Variants in SLCO3A1 observed in about 807,000 individuals in gnomAD.
SLCO3A1 encodes the protein PGE1 transporter.
Under a neutral mutation model 63.1 loss-of-function variants are expected in SLCO3A1, and 27 were observed. The ratio of observed to expected loss-of-function variants is 0.43; its 90% CI spans 0.32 to 0.59. The LOEUF is 0.59. SLCO3A1 is among the 20% of genes least tolerant of loss of function. The pLI, the probability that SLCO3A1 is intolerant of heterozygous loss-of-function variation, is 0.09. For synonymous variants in SLCO3A1, 473 were observed against 409.9 expected (o/e 1.15, Z -1.86); for missense variants, 773 against 945.8 (o/e 0.82, Z 2.40).
chr15:92,059,234 C>T (rs1018472646), intron 2 of SLCO3A1, among the ~76,000 whole-genome samples: 4 of 152,204 alleles, frequency 2.6e-5, no homozygotes, highest in African/African-American at 4.8e-5. Flanking sequence ...CCAAAGCCAG[C>T]GTGCTAGAAC....
chr15:92,155,924 A>C (rs556804505), intron 9 of SLCO3A1, among the ~76,000 whole-genome samples: 1 of 152,110 alleles, frequency 6.6e-6, no homozygotes, highest in African/African-American at 2.4e-5. Flanking sequence ...CCCCACATAC[A>C]CTGACCCTGC....
intron 2 of SLCO3A1, among the ~76,000 whole-genome samples, chr15:91,979,379 A>G (rs1238047105): frequency 6.6e-6 from 1 of 152,214 alleles, no homozygotes. Context: ...TTTGACTGCA[A>G]CTCATCACGT....
At chr15:91,996,699 T>C (rs1236586063) in intron 2 of SLCO3A1, among the ~76,000 whole-genome samples, 1 of 152,134 alleles carries the variant, frequency 6.6e-6, no homozygotes, top group East Asian at 1.9e-4. Context: ...CCCATACATA[T>C]ACAGACAGCT....
Position 91,961,865 on chromosome 15 carries a change from C to G in SLCO3A1, c.646+45407C>G, listed in dbSNP as rs544487688. On this transcript the variant is annotated intron_variant, in intron 2 of 9. Transcript: ENST00000318445. ...CATGTTTAAAGCTTGAGATGGTTCT[C>G]AGAACATGGAAGGGACCCAGCACAT... Among the ~76,000 whole-genome samples, 4 of 152,318 alleles carry G rather than the reference C, an allele frequency of 2.6e-5. No homozygotes were observed. The South Asian group carries it at 8.3e-4, about 32-fold the overall frequency.
Position 92,162,796 on chromosome 15 carries a change from C to T in SLCO3A1, c.1794C>T (p.Asp598=). The T allele has an allele frequency of 6.2e-7, 1 of 1,614,060 alleles. No individual in the cohort carries two copies. The highest frequency in any genetic ancestry group is 2.2e-5 in the East Asian group (1 of 44,880). The change falls in exon 10 of 10, where the codon GAC becomes GAT. Residue 598 remains aspartate (D), a synonymous_variant. Transcript: ENST00000318445. ...PPPLIFGAGI[D]STCLFWSTFC... ...CCCTCATCTTCGGGGCTGGCATCGA[C>T]TCCACCTGCCTGTTCTGGAGCACGT...
At chr15:92,012,770 G>A (rs978680689) in intron 2 of SLCO3A1, among the ~76,000 whole-genome samples, 39 of 145,010 alleles carry the variant, frequency 2.7e-4, no homozygotes, top group Admixed American at 1.2e-3. Flanking sequence ...AAAAGGCTCA[G>A]ACGAGGCTTA....
chr15:92,056,411 G>C (rs1173323431), intron 2 of SLCO3A1, among the ~76,000 whole-genome samples: 1 of 152,024 alleles, frequency 6.6e-6, no homozygotes, highest in African/African-American at 2.4e-5. Context: ...GTCTCTCTTG[G>C]GCCAGAGCAG....
chr15:92,102,524 G>A (rs539648155), intron 3 of SLCO3A1, among the ~76,000 whole-genome samples: 24 of 152,340 alleles, frequency 1.6e-4, no homozygotes, highest in African/African-American at 5.8e-4. Context: ...AAGACTCAAG[G>A]AGGGTAAGTA....
At chr15:91,866,527 G>A (rs1384002185) in intron 1 of SLCO3A1, among the ~76,000 whole-genome samples, 2 of 150,912 alleles carry the variant, frequency 1.3e-5, no homozygotes, top group African/African-American at 4.9e-5. Context: ...TTTGGTGGGG[G>A]TAGGAGTGAT....
At chr15:91,944,101 C>T (rs1315856474) in intron 2 of SLCO3A1, among the ~76,000 whole-genome samples, 1 of 152,182 alleles carries the variant, frequency 6.6e-6, no homozygotes, top group East Asian at 1.9e-4. Context: ...CTCACTGTAC[C>T]TCAGTTTCCT....
At chr15:91,957,000 T>TACTATATAATATATAG (rs1491096636) in intron 2 of SLCO3A1, among the ~76,000 whole-genome samples, 1 of 25,854 alleles carries the variant, frequency 3.9e-5, no homozygotes, top group African/African-American at 2.7e-4. Flanking sequence ...ATAGTATATA[T>TACTATATAATATATAG]TATATATATA....
chr15:92,127,215 T>C (rs914776526), intron 6 of SLCO3A1, among the ~76,000 whole-genome samples: 50 of 152,346 alleles, frequency 3.3e-4, no homozygotes, highest in African/African-American at 1.1e-3. Flanking sequence ...TGTTCAGATA[T>C]GTCTTCTTCC....
At chr15:91,923,323 C>T (rs1431179227) in intron 2 of SLCO3A1, among the ~76,000 whole-genome samples, 2 of 152,214 alleles carry the variant, frequency 1.3e-5, no homozygotes, top group African/African-American at 2.4e-5. Flanking sequence ...GATCTTTGGA[C>T]AAGAGCCCTT....
intron 1 of SLCO3A1, among the ~76,000 whole-genome samples, chr15:91,913,876 C>T (rs1898564601): frequency 6.6e-6 from 1 of 152,176 alleles, no homozygotes; most frequent in Non-Finnish European, 1.5e-5. Flanking sequence ...TACATCTTTT[C>T]CTGTTCATTT....
chr15:92,086,127 G>C (rs570048129), intron 2 of SLCO3A1, among the ~76,000 whole-genome samples: 1 of 152,306 alleles, frequency 6.6e-6, no homozygotes, highest in East Asian at 1.9e-4. Context: ...CAGTCCGTCA[G>C]CACACTTGCT....
chr15:92,067,000 T>C (rs746291894), intron 2 of SLCO3A1, among the ~76,000 whole-genome samples: 5 of 152,308 alleles, frequency 3.3e-5, no homozygotes, highest in Admixed American at 6.5e-5. Context: ...TCAGGGAGTC[T>C]TCTGGGAGTT....
rs1377556851 is a variant in SLCO3A1 at position 92,128,237 on chromosome 15, C to A, written c.1374-114C>A. ...GGAAGGGAGAACCAGGTAACAATCC[C>A]ATAAGCAGGGTACCACGCGACTCAT... On this transcript the variant is annotated intron_variant, in intron 6 of 9. Transcript: ENST00000318445. The A allele has an allele frequency of 3.6e-5, 45 of 1,261,240 alleles. 2 individuals are homozygous for A. In the Admixed American group the frequency reaches 9.0e-4, roughly 25 times the overall value. The allele number at this position is 1,261,240 out of a possible 1,614,324, so 78.1% of individuals were successfully genotyped here.
At chr15:91,982,805 G>GT (rs1257764057) in intron 2 of SLCO3A1, among the ~76,000 whole-genome samples, 3 of 152,266 alleles carry the variant, frequency 2.0e-5, no homozygotes, top group African/African-American at 7.2e-5. Flanking sequence ...ATGCTGGTGG[G>GT]TGGGGAGCTG....
At chr15:92,034,861 G>A (rs779859602) in intron 2 of SLCO3A1, among the ~76,000 whole-genome samples, 5 of 151,922 alleles carry the variant, frequency 3.3e-5, no homozygotes, top group Admixed American at 6.6e-5. Flanking sequence ...CTGTCCCTGC[G>A]TTAGTACTGA....
Sources: gnomAD v4.1 joint callset for allele counts (sites outside exome capture counted in the v4.1 genomes callset) on GRCh38, gnomAD v4.1.1 for gene constraint, MANE v1.5 for transcripts, NCBI Gene and HGNC (gene_info 2026-07-23, HGNC 2026-07-21) for gene names.